Variants in LTA4H observed in about 807,000 individuals in gnomAD.
LTA4H encodes leukotriene A4 hydrolase.
In LTA4H, 59 loss-of-function variants were observed where a neutral mutation model predicts 89.8. The observed-to-expected ratio is 0.66, with a 90% CI of 0.53 to 0.82. The LOEUF (loss-of-function observed/expected upper bound fraction) is 0.82, where lower values mean the gene tolerates loss of function less well. Among genes scored for constraint, LTA4H ranks in the 40% least tolerant of loss-of-function variants. The pLI, the probability that LTA4H is intolerant of heterozygous loss-of-function variation, is 0.00. For missense variants in LTA4H, 617 were observed against 727.0 expected (o/e 0.85, Z 1.74); for synonymous variants, 227 against 253.1 (o/e 0.90, Z 0.98).
Position 96,019,223 on chromosome 12 carries a change from GT to G in LTA4H, c.655del (p.Thr219LeufsTer26). On this transcript the variant is annotated frameshift_variant, in exon 7 of 19. Transcript: ENST00000228740. LOFTEE classifies it high-confidence loss of function. ...ALESRQIGPRTLVWSEKEQVE... is the reference protein window; with the variant it reads ...ALESRQIGPRXLVWSEKEQVE... ...CTGCTCTTTCTCAGACCACACCAAA[GT>G]TCTTGGGCCAATTTGCCTGCAAGAT... The G allele has an allele frequency of 6.2e-7, 1 of 1,610,992 alleles. No homozygotes were observed. The highest frequency in any genetic ancestry group is 1.3e-5 in the African/African-American group (1 of 74,760).
chr12:96,002,822 G>T, intron 18 of LTA4H, 138 bp downstream of exon 18: 1 of 611,490 alleles, frequency 1.6e-6, no homozygotes. Context: ...ATTTATAAGT[G>T]TGAATCCCTA....
intron 7 of LTA4H, 100 bp downstream of exon 7, chr12:96,019,068 G>T (rs1950419622): frequency 1.6e-6 from 2 of 1,220,052 alleles, no homozygotes; most frequent in African/African-American, 1.5e-5. Flanking sequence ...AAGACAATCT[G>T]GTTCTTTCCC....
Position 96,017,104 on chromosome 12 carries a change from T to C in LTA4H, c.887A>G (p.His296Arg). The C allele has an allele frequency of 6.2e-7, 1 of 1,609,118 alleles. No individual in the cohort carries two copies. The highest frequency in any genetic ancestry group is 8.5e-7 in the Non-Finnish European group (1 of 1,175,520). Residue 296 changes from histidine (H) to arginine (R), a missense_variant, in exon 10 of 19, where the codon CAT becomes CGT. This residue lies in a region of LTA4H where 172 missense variants were observed against 244.5 expected (regional missense o/e 0.70). Coordinates refer to ENST00000228740, the MANE Select transcript of LTA4H (RefSeq NM_000895.3). ...CCCTGTCCAGCTATGAGATATTTCA[T>C]GTGCAATGACCTAAAGAAAACAGTG... ...GDKSLSNVIA[H>R]EISHSWTGNL...
intron 10 of LTA4H, 92 bp from the exon 11 acceptor site, chr12:96,015,786 G>C: frequency 1.1e-6 from 1 of 874,996 alleles, no homozygotes; most frequent in Non-Finnish European, 1.8e-6. Context: ...TTTCTACAGA[G>C]GAAAGCAGTT....
At chr12:96,024,731 T>C (rs2540491) in intron 3 of LTA4H, among the ~76,000 whole-genome samples, 184 bp from the exon 4 acceptor site, 73,561 of 150,668 alleles carry the variant, frequency 0.49, 19,672 homozygotes, top group African/African-American at 0.72. Context: ...TTCAATGGCA[T>C]GATCTTGGCT....
At chr12:96,037,302 T>G (rs960582905), upstream of LTA4H, among the ~76,000 whole-genome samples, 1 of 152,070 alleles carries the variant, frequency 6.6e-6, no homozygotes, top group Non-Finnish European at 1.5e-5. Context: ...TGACAGTGGG[T>G]AAGCTCAACC....
In LTA4H at chr12:96,004,947, G is replaced by A. The variant is rs140939232; in HGVS notation, c.1531-1027C>T. Among the ~76,000 whole-genome samples, 19 of 152,180 alleles carry A rather than the reference G, an allele frequency of 1.2e-4. No homozygotes were observed. The East Asian group carries it at 3.5e-3, about 28-fold the overall frequency. On this transcript the variant is annotated intron_variant, in intron 16 of 18. Coordinates refer to ENST00000228740, the MANE Select transcript of LTA4H (RefSeq NM_000895.3). ...ATTTATGAAACCATGATGACCCGATGCACTAAAAATAGATTCTCTCTTTGA... is the reference window on the plus strand; with the variant it reads ...ATTTATGAAACCATGATGACCCGATACACTAAAAATAGATTCTCTCTTTGA...
upstream of LTA4H, among the ~76,000 whole-genome samples, chr12:96,036,237 G>T (rs1268376667): frequency 6.6e-6 from 1 of 152,202 alleles, no homozygotes; most frequent in Non-Finnish European, 1.5e-5. Flanking sequence ...AGAAACTAAT[G>T]AATTTCTATA....
Position 96,035,524 on chromosome 12 carries a change from C to G in LTA4H, c.-5G>C. 8 of 1,601,002 alleles carry G rather than the reference C, an allele frequency of 5.0e-6. No individual in the cohort carries two copies. Among genetic ancestry groups the G allele is most frequent in the Non-Finnish European group, 6.8e-6 (8 of 1,173,514 alleles). On this transcript the variant is annotated 5_prime_UTR_variant, in exon 1 of 19. Transcript: ENST00000228740. ...GGTATCCACTATCTCGGGCATGGCT[C>G]TGGGGGATCACACAGCACAGCGACC...
At position 96,041,974 on chromosome 12, in the gene LTA4H, TTGTTTTTTTTTC is replaced by T. The variant is rs1340275809; in HGVS notation, c.87+1303_87+1314del. Among the ~76,000 whole-genome samples, 1,275 of 136,274 alleles carry T rather than the reference TTGTTTTTTTTTC, an allele frequency of 9.4e-3. 15 individuals carry two copies. Among genetic ancestry groups the T allele is most frequent in the South Asian group, 0.064 (280 of 4,348 alleles). 89.4% of individuals were successfully genotyped at this position (136,274 alleles called of 152,430 possible). On this transcript the variant is annotated intron_variant, in intron 1 of 17. Transcript: ENST00000413268. ...CTAGTTTTAAATTAAACGTTTCTTT[TTGTTTTTTTTTC>T]TTTTTTTTTTTTTTTTTGACAGGGT...
At chr12:96,023,969 G>T (rs377567788) in intron 4 of LTA4H, among the ~76,000 whole-genome samples, 1 of 151,026 alleles carries the variant, frequency 6.6e-6, no homozygotes, top group Non-Finnish European at 1.5e-5. Flanking sequence ...TGGCTCTGTC[G>T]CCCAGGCTGG....
intron 15 of LTA4H, among the ~76,000 whole-genome samples, 167 bp downstream of exon 15, chr12:96,008,927 A>G (rs953741384): frequency 6.6e-6 from 1 of 152,142 alleles, no homozygotes; most frequent in Non-Finnish European, 1.5e-5. Flanking sequence ...TCAAACCCTT[A>G]ATTTTCTATA....
chr12:96,027,506 G>T lies in LTA4H; in HGVS notation c.349C>A (p.Gln117Lys). The T allele has an allele frequency of 6.2e-7, 1 of 1,611,104 alleles. No homozygotes were observed. The highest frequency in any genetic ancestry group is 8.5e-7 in the Non-Finnish European group (1 of 1,177,788). ...FETSPKSSAL[Q>K]WLTPEQTSGK... Reference sequence around the variant, plus strand: ...GAAGTCTGTTCAGGAGTGAGCCACTGGAGAGCAGAAGATTTTGGAGAGGTC... The same window carrying T: ...GAAGTCTGTTCAGGAGTGAGCCACTTGAGAGCAGAAGATTTTGGAGAGGTC... Residue 117 changes from glutamine (Q) to lysine (K), a missense_variant, in exon 3 of 19, where the codon CAG (glutamine) becomes AAG (lysine). By Grantham distance (53) the Gln-to-Lys change is moderately conservative. This residue lies in a region of LTA4H where 155 missense variants were observed against 143.3 expected (regional missense o/e 1.08). Coordinates refer to ENST00000228740, the MANE Select transcript of LTA4H (RefSeq NM_000895.3).
chr12:96,030,255 T>C (rs1950557751), intron 1 of LTA4H, among the ~76,000 whole-genome samples: 1 of 152,200 alleles, frequency 6.6e-6, no homozygotes, highest in Non-Finnish European at 1.5e-5. Context: ...TTCAAAAATA[T>C]GGATATGTCC....
intron 15 of LTA4H, among the ~76,000 whole-genome samples, chr12:96,007,553 A>G (rs554236328): frequency 6.6e-6 from 1 of 152,226 alleles, no homozygotes; most frequent in Non-Finnish European, 1.5e-5. Context: ...TATGTTATAA[A>G]TATTCTTTTG....
At chr12:96,001,232 A>G (rs1950096667) in intron 18 of LTA4H, 126 bp from the exon 19 acceptor site, 1 of 657,016 alleles carries the variant, frequency 1.5e-6, no homozygotes, top group Non-Finnish European at 2.7e-6. Flanking sequence ...GGAGAAAGAG[A>G]ATAAGAACAC....
At chr12:96,008,386 A>G (rs927722884) in intron 15 of LTA4H, among the ~76,000 whole-genome samples, 1 of 152,202 alleles carries the variant, frequency 6.6e-6, no homozygotes, top group African/African-American at 2.4e-5. Flanking sequence ...GTGAACAAAG[A>G]GCAAAAGTGC....
chr12:96,038,895 C>T (rs78099534), upstream of LTA4H, among the ~76,000 whole-genome samples: 145 of 151,202 alleles, frequency 9.6e-4, no homozygotes, highest in East Asian at 0.021. Context: ...AAAATATCCA[C>T]ACACAACCAC....
chr12:96,033,849 CCAGG>C (rs1156349555), intron 1 of LTA4H, among the ~76,000 whole-genome samples: 1 of 152,176 alleles, frequency 6.6e-6, no homozygotes, highest in Non-Finnish European at 1.5e-5. Context: ...TCAGCCCTGC[CCAGG>C]CAAAGTTGCT....
Sources: allele counts gnomAD v4.1 joint callset (sites outside exome capture counted in the v4.1 genomes callset), GRCh38; gene constraint gnomAD v4.1.1; regional missense constraint gnomAD v4.1.1; transcripts MANE v1.5; gene names NCBI Gene and HGNC (gene_info 2026-07-23, HGNC 2026-07-21).